The following CHMP3 variants were observed in gnomAD, a reference collection of about 807,000 sequenced individuals.
CHMP3 encodes the protein charged multivesicular body protein 3.
Under a neutral mutation model 27.4 loss-of-function variants are expected in CHMP3, and 8 were observed. The ratio of observed to expected loss-of-function variants is 0.29; its 90% CI spans 0.17 to 0.53. CHMP3 has a LOEUF of 0.53. Ranked by LOEUF, CHMP3 falls within the 20% of genes least tolerant of loss-of-function variation. CHMP3 has a pLI of 0.96. For synonymous variants in CHMP3, 86 were observed against 85.5 expected (o/e 1.01, Z -0.03); for missense variants, 208 against 271.5 (o/e 0.77, Z 1.64).
intron 3 of CHMP3, among the ~76,000 whole-genome samples, chr2:86,526,424 G>T (rs573221445): frequency 3.9e-5 from 6 of 152,276 alleles, no homozygotes; most frequent in Admixed American, 3.9e-4. Context: ...CTCATGAACT[G>T]CTGCTGGAAA....
chr2:86,545,948 TC>T (rs1333640977), intron 1 of CHMP3, among the ~76,000 whole-genome samples: 1 of 152,094 alleles, frequency 6.6e-6, no homozygotes, highest in African/African-American at 2.4e-5. Flanking sequence ...ACTCCTCACT[TC>T]CTAGACGGGG....
intron 1 of CHMP3, among the ~76,000 whole-genome samples, chr2:86,553,829 G>A (rs1677006899): frequency 6.6e-6 from 1 of 152,164 alleles, no homozygotes; most frequent in African/African-American, 2.4e-5. Flanking sequence ...GTTGCAAAAT[G>A]TGTTATATTT....
At chr2:86,530,550 T>C (rs1675880952) in intron 2 of CHMP3, among the ~76,000 whole-genome samples, 1 of 152,228 alleles carries the variant, frequency 6.6e-6, no homozygotes, top group Non-Finnish European at 1.5e-5. Context: ...TCAATAATAT[T>C]CCATTGTATG....
rs112655248 is a variant in CHMP3, at chr2:86,503,868, T to A, written c.*1936A>T. Reference sequence around the variant, plus strand: ...TAGGAACAGGAAACCAAATATTCCATGTTCTCACAAGTGGGAGTGAAATAA... The same window carrying A: ...TAGGAACAGGAAACCAAATATTCCAAGTTCTCACAAGTGGGAGTGAAATAA... On this transcript the variant is annotated 3_prime_UTR_variant, in exon 6 of 6. Coordinates refer to ENST00000263856, the MANE Select transcript of CHMP3 (RefSeq NM_016079.4). The A allele has an allele frequency of 6.6e-6, 1 of 152,212 alleles. No homozygotes were observed. The highest frequency in any genetic ancestry group is 1.5e-5 in the Non-Finnish European group (1 of 68,038). 9.4% of individuals were successfully genotyped at this position (152,212 alleles called of 1,614,324 possible). A position where few individuals can be genotyped will look rare whatever the true frequency, so the allele number is the denominator to read the frequency against.
chr2:86,550,245 G>A (rs552106004), intron 1 of CHMP3, among the ~76,000 whole-genome samples: 11 of 152,304 alleles, frequency 7.2e-5, no homozygotes, highest in East Asian at 1.9e-4. Context: ...GCGTGGCGGC[G>A]CACGCCCGCA....
chr2:86,532,299 C>T (rs1675955767), intron 2 of CHMP3, among the ~76,000 whole-genome samples: 1 of 152,036 alleles, frequency 6.6e-6, no homozygotes, highest in Admixed American at 6.6e-5. Flanking sequence ...GATTTTGTAT[C>T]TTGCTGCTTA....
intron 1 of CHMP3, among the ~76,000 whole-genome samples, chr2:86,545,372 C>T (rs1399572597): frequency 1.6e-5 from 2 of 124,858 alleles, no homozygotes; most frequent in Admixed American, 7.7e-5. Flanking sequence ...CGCTCCTCAC[C>T]TCCCGGACGG....
intron 1 of CHMP3, among the ~76,000 whole-genome samples, chr2:86,557,427 C>T (rs1324612356): frequency 6.6e-6 from 1 of 152,210 alleles, no homozygotes; most frequent in Non-Finnish European, 1.5e-5. Context: ...CTACCTAAAT[C>T]TCTTCCTTCT....
chr2:86,505,605 C>T lies in CHMP3; in HGVS notation c.*199G>A. On this transcript the variant is annotated 3_prime_UTR_variant, in exon 6 of 6. Coordinates refer to ENST00000263856, the MANE Select transcript of CHMP3 (RefSeq NM_016079.4). ...ACAATAAGATATATCTGTCTATACT[C>T]CTAAAAATGATGCATTTATTTATGC... 1 of 600,410 alleles carries T rather than the reference C, an allele frequency of 1.7e-6. No individual in the cohort carries two copies. The highest frequency in any genetic ancestry group is 2.5e-6 in the Non-Finnish European group (1 of 394,346). 37.2% of individuals were successfully genotyped at this position (600,410 alleles called of 1,614,324 possible).
rs942149651 is a variant in CHMP3, at chr2:86,504,024, C to T, written c.*1780G>A. 1 of 152,072 alleles carries T rather than the reference C, an allele frequency of 6.6e-6. No homozygotes were observed. The highest frequency in any genetic ancestry group is 2.4e-5 in the African/African-American group (1 of 41,384). 9.4% of individuals were successfully genotyped at this position (152,072 alleles called of 1,614,324 possible). On this transcript the variant is annotated 3_prime_UTR_variant, in exon 6 of 6. Coordinates refer to ENST00000263856, the MANE Select transcript of CHMP3 (RefSeq NM_016079.4). ...TCACTAAATAATCTGTATAACAAAC[C>T]CCCTTGTCACGAGTTTACCTGCACA...
intron 1 of CHMP3, chr2:86,562,569 A>C (rs1204028781): frequency 1.3e-5 from 2 of 152,260 alleles, no homozygotes; most frequent in Non-Finnish European, 2.9e-5. Flanking sequence ...CTGGCTTCAC[A>C]GTCGAGAAGG....
chr2:86,558,945 A>C (rs1426949786), intron 1 of CHMP3, among the ~76,000 whole-genome samples: 1 of 151,952 alleles, frequency 6.6e-6, no homozygotes, highest in Admixed American at 6.6e-5. Context: ...TTATCAGTGC[A>C]TCAGCAGTTC....
Position 86,504,885 on chromosome 2 carries a change from A to C in CHMP3, c.*919T>G, listed in dbSNP as rs1400988879. The stretch of plus-strand genomic sequence containing the variant: ...TCGCGTATGTCAAAGAGCTCTGTAA[A>C]CTCTCAACACATACAAAGTACTACT... On this transcript the variant is annotated 3_prime_UTR_variant, in exon 6 of 6. Coordinates refer to ENST00000263856, the MANE Select transcript of CHMP3 (RefSeq NM_016079.4). 6.6e-6 allele frequency: 1 copy of C among 152,130 alleles called. No homozygotes were observed. The highest frequency in any genetic ancestry group is 1.5e-5 in the Non-Finnish European group (1 of 68,024). The allele number at this position is 152,130 out of a possible 1,614,324, so 9.4% of individuals were successfully genotyped here.
intron 1 of CHMP3, among the ~76,000 whole-genome samples, chr2:86,560,261 C>CAA (rs569981527): frequency 7.0e-6 from 1 of 142,644 alleles, no homozygotes; most frequent in African/African-American, 2.6e-5. Flanking sequence ...GACTCCATCT[C>CAA]AAAAAAAAAA....
chr2:86,544,423 T>C (rs1473639870), intron 1 of CHMP3, among the ~76,000 whole-genome samples: 1 of 151,264 alleles, frequency 6.6e-6, no homozygotes, highest in Non-Finnish European at 1.5e-5. Flanking sequence ...AGGATAATAG[T>C]GGAGAGAAGG....
intron 1 of CHMP3, among the ~76,000 whole-genome samples, chr2:86,556,804 G>A (rs1290998296): frequency 1.3e-5 from 2 of 152,280 alleles, no homozygotes; most frequent in Admixed American, 6.5e-5. Flanking sequence ...GGGTCTGTGA[G>A]CAGCCTGGTC....
intron 1 of CHMP3, among the ~76,000 whole-genome samples, chr2:86,554,193 T>C (rs1293036712): frequency 6.6e-6 from 1 of 152,210 alleles, no homozygotes; most frequent in Non-Finnish European, 1.5e-5. Flanking sequence ...AATCACCGAC[T>C]TCCTGGTCTC....
At chr2:86,532,206 G>A (rs1442538122) in intron 2 of CHMP3, among the ~76,000 whole-genome samples, 1 of 152,056 alleles carries the variant, frequency 6.6e-6, no homozygotes, top group East Asian at 1.9e-4. Context: ...GATTATTTTT[G>A]ATGCTATTGA....
rs1040610731 is a variant in CHMP3, at chr2:86,510,481, T to C, written c.287-2A>G. 1 of 1,611,470 alleles carries C rather than the reference T, an allele frequency of 6.2e-7. No individual in the cohort carries two copies. Among genetic ancestry groups the C allele is most frequent in the Non-Finnish European group, 8.5e-7 (1 of 1,179,992 alleles). Reference sequence around the variant, plus strand: ...GGGAACCAGCCACTCGCAAGACCGCTGAAAGAGAATGTGTACAGTCAGGAT... The same window carrying C: ...GGGAACCAGCCACTCGCAAGACCGCCGAAAGAGAATGTGTACAGTCAGGAT... On this transcript the variant is annotated splice_acceptor_variant, in intron 3 of 5. Coordinates refer to ENST00000263856, the MANE Select transcript of CHMP3 (RefSeq NM_016079.4). LOFTEE classifies it high-confidence loss of function.
Sources: gnomAD v4.1 joint callset for allele counts (sites outside exome capture counted in the v4.1 genomes callset) on GRCh38, gnomAD v4.1.1 for gene constraint, MANE v1.5 for transcripts, NCBI Gene and HGNC (gene_info 2026-07-23, HGNC 2026-07-21) for gene names.